Variants in ANKS1B observed in about 807,000 individuals in gnomAD.
ANKS1B encodes ankyrin repeat and sterile alpha motif domain containing 1B.
In ANKS1B, 36 loss-of-function variants were observed where a neutral mutation model predicts 148.3. The observed-to-expected ratio is 0.24, with a 90% confidence interval of 0.19 to 0.32. The LOEUF (loss-of-function observed/expected upper bound fraction) is 0.32. ANKS1B is among the 10% of genes least tolerant of loss of function. The probability of loss-of-function intolerance (pLI) is 1.00; values close to 1 mark genes in which losing one functional copy is unlikely to be tolerated. For synonymous variants in ANKS1B, 542 were observed against 560.8 expected (o/e 0.97, Z 0.47); for missense variants, 1,157 against 1,542.6 (o/e 0.75, Z 4.19).
chr12:99,934,923 T>C (rs1416423833), intron 1 of ANKS1B, among the ~76,000 whole-genome samples: 2 of 152,152 alleles, frequency 1.3e-5, no homozygotes, highest in Non-Finnish European at 1.5e-5. Context: ...AAAAGAATGA[T>C]TGCCTTTGGG....
At chr12:98,970,350 A>C (rs1376946151) in intron 17 of ANKS1B, among the ~76,000 whole-genome samples, 1 of 152,080 alleles carries the variant, frequency 6.6e-6, no homozygotes, top group Non-Finnish European at 1.5e-5. Context: ...TCTCTTTCAA[A>C]ATTTACCTGG....
At chr12:99,016,248 T>C (rs1191964069) in intron 17 of ANKS1B, among the ~76,000 whole-genome samples, 1 of 152,226 alleles carries the variant, frequency 6.6e-6, no homozygotes. Context: ...ACCCCTAACA[T>C]AGCTATGCCA....
intron 1 of ANKS1B, among the ~76,000 whole-genome samples, chr12:99,975,251 T>C (rs2095612172): frequency 1.3e-5 from 2 of 152,234 alleles, no homozygotes; most frequent in Admixed American, 1.3e-4. Flanking sequence ...ATGGCTTTAC[T>C]ATTTTGGCCT....
intron 12 of ANKS1B, among the ~76,000 whole-genome samples, chr12:99,382,487 G>A (rs1443000561): frequency 6.6e-6 from 1 of 151,996 alleles, no homozygotes; most frequent in South Asian, 2.1e-4. Context: ...TAGATCACTT[G>A]AGGCCAGGAA....
intron 9 of ANKS1B, among the ~76,000 whole-genome samples, chr12:99,622,201 A>C: frequency 6.6e-6 from 1 of 152,012 alleles, no homozygotes; most frequent in East Asian, 1.9e-4. Context: ...TGAAATAAAA[A>C]CAGACACAAC....
chr12:99,616,802 A>G (rs917242652), intron 9 of ANKS1B, among the ~76,000 whole-genome samples: 60 of 152,324 alleles, frequency 3.9e-4, no homozygotes, highest in African/African-American at 1.4e-3. Context: ...GGATCTAATT[A>G]AACTAAAGAG....
At chr12:99,193,392 A>G (rs1448171272) in intron 14 of ANKS1B, among the ~76,000 whole-genome samples, 1 of 152,204 alleles carries the variant, frequency 6.6e-6, no homozygotes, top group Non-Finnish European at 1.5e-5. Flanking sequence ...ATCTGAACAA[A>G]GAGGTCCTGG....
chr12:98,742,871 C>T (rs542659321), downstream of ANKS1B, among the ~76,000 whole-genome samples: 4 of 152,294 alleles, frequency 2.6e-5, no homozygotes, highest in South Asian at 8.3e-4. Flanking sequence ...ATGGGGTGGG[C>T]CAGTGGGCCT....
intron 9 of ANKS1B, among the ~76,000 whole-genome samples, chr12:99,526,047 C>G (rs1208459287): frequency 6.6e-6 from 1 of 151,990 alleles, no homozygotes; most frequent in Non-Finnish European, 1.5e-5. Context: ...CTAGAAATTT[C>G]TTACATGAAA....
rs565734307 is a variant in ANKS1B at position 99,374,883 on chromosome 12, T to TA, written c.1756+24747dup. Among the ~76,000 whole-genome samples the TA allele has an allele frequency of 4.3e-4, 65 of 152,334 alleles. No individual in the cohort carries two copies. In the East Asian group the frequency reaches 0.012, roughly 28 times the overall value. ...CCAGGAACTATAGATCAATGTAAAT[T>TA]AAATAAAAAATTGACTTGGATTCTT... On this transcript the variant is annotated intron_variant, in intron 12 of 26. Coordinates refer to ENST00000683438, the MANE Select transcript of ANKS1B (RefSeq NM_001352186.2).
chr12:99,241,764 A>G (rs1193518993), intron 14 of ANKS1B, among the ~76,000 whole-genome samples: 1 of 152,230 alleles, frequency 6.6e-6, no homozygotes, highest in African/African-American at 2.4e-5. Context: ...CAATAAATGT[A>G]ATCCATCACA....
chr12:99,272,892 T>G (rs1479591018), intron 12 of ANKS1B, among the ~76,000 whole-genome samples: 5 of 152,238 alleles, frequency 3.3e-5, no homozygotes, highest in African/African-American at 1.2e-4. Context: ...GCATTTGCTA[T>G]TCCACTGATT....
chr12:99,562,147 A>G (rs2097343249), intron 9 of ANKS1B, among the ~76,000 whole-genome samples: 1 of 152,250 alleles, frequency 6.6e-6, no homozygotes, highest in African/African-American at 2.4e-5. Flanking sequence ...TCTTTTGAGC[A>G]GTAGTTCTTA....
At chr12:99,659,813 G>T (rs537073017) in intron 8 of ANKS1B, among the ~76,000 whole-genome samples, 1 of 152,052 alleles carries the variant, frequency 6.6e-6, no homozygotes, top group African/African-American at 2.4e-5. Flanking sequence ...AATGTTACTC[G>T]ATTTGCAAGA....
chr12:99,698,238 A>G (rs116304083), intron 8 of ANKS1B, among the ~76,000 whole-genome samples: 1,796 of 152,312 alleles, frequency 0.012, 31 homozygotes, highest in African/African-American at 0.041. Flanking sequence ...GAATAAAATA[A>G]AAACAAATTA....
chr12:99,458,002 T>TAGATAGA (rs2152842941), intron 10 of ANKS1B, among the ~76,000 whole-genome samples: 1 of 152,140 alleles, frequency 6.6e-6, no homozygotes, highest in East Asian at 1.9e-4. Flanking sequence ...GGGGACATTC[T>TAGATAGA]CCAAGATAGA....
At chr12:99,364,245 T>A (rs1278313558) in intron 12 of ANKS1B, among the ~76,000 whole-genome samples, 1 of 150,674 alleles carries the variant, frequency 6.6e-6, no homozygotes, top group African/African-American at 2.5e-5. Flanking sequence ...AATGAAGAGT[T>A]AGAATAATGA....
intron 11 of ANKS1B, among the ~76,000 whole-genome samples, chr12:99,418,459 T>C (rs1232577158): frequency 6.6e-6 from 1 of 152,188 alleles, no homozygotes; most frequent in Non-Finnish European, 1.5e-5. Context: ...ATACAATTTT[T>C]TTATGTGTAT....
chr12:99,172,753 A>G (rs2077927875), intron 14 of ANKS1B, among the ~76,000 whole-genome samples: 1 of 152,198 alleles, frequency 6.6e-6, no homozygotes, highest in African/African-American at 2.4e-5. Flanking sequence ...ATGAAAAATA[A>G]TAACAATTTT....
Sources: allele counts gnomAD v4.1 joint callset (sites outside exome capture counted in the v4.1 genomes callset), GRCh38; gene constraint gnomAD v4.1.1; transcripts MANE v1.5; gene names NCBI Gene and HGNC (gene_info 2026-07-23, HGNC 2026-07-21).